DLG2: variants seen among roughly 807,000 people sequenced by gnomAD.
The protein encoded by DLG2 is disks large homolog 2.
DLG2 carries 45 observed loss-of-function variants against 132.5 expected under a neutral mutation model. That is an observed-to-expected ratio of 0.34 (90% confidence interval 0.27 to 0.44). The LOEUF is 0.44. Among genes scored for constraint, DLG2 ranks in the 20% least tolerant of loss-of-function variants. DLG2 has a pLI of 1.00. For synonymous variants in DLG2, 424 were observed against 419.6 expected (o/e 1.01, Z -0.13); for missense variants, 1,045 against 1,196.9 (o/e 0.87, Z 1.87).
intron 8 of DLG2, among the ~76,000 whole-genome samples, chr11:84,214,320 T>C (rs575516571): frequency 6.7e-6 from 1 of 148,500 alleles, no homozygotes; most frequent in African/African-American, 2.5e-5. Flanking sequence ...TATACATGTT[T>C]ATATATGTTT....
intron 3 of DLG2, among the ~76,000 whole-genome samples, chr11:85,323,951 C>A (rs1374132058): frequency 6.6e-6 from 1 of 152,202 alleles, no homozygotes; most frequent in Non-Finnish European, 1.5e-5. Flanking sequence ...CCTCCTGTCA[C>A]TTCCAATTGT....
chr11:83,724,994 G>C (rs2089710412), intron 18 of DLG2: 2 of 692,108 alleles, frequency 2.9e-6, no homozygotes, highest in Non-Finnish European at 5.3e-6. Context: ...TGACGCTCTT[G>C]AGTGGTGGCC....
chr11:84,426,664 A>G (rs2098967593), intron 7 of DLG2, among the ~76,000 whole-genome samples: 1 of 152,134 alleles, frequency 6.6e-6, no homozygotes, highest in Admixed American at 6.6e-5. Flanking sequence ...TTGAACTTCA[A>G]TGTAACATTG....
intron 7 of DLG2, among the ~76,000 whole-genome samples, chr11:84,302,359 CAAGAAAAATATTTTTCTAACT>C (rs2098165530): frequency 1.3e-5 from 2 of 152,042 alleles, no homozygotes; most frequent in African/African-American, 2.4e-5. Flanking sequence ...ATGATGTCAA[CAAGAAAAATATTTTTCTAACT>C]TAGAAAAATG....
intron 6 of DLG2, among the ~76,000 whole-genome samples, chr11:85,089,026 C>T (rs974815137): frequency 6.6e-6 from 1 of 152,290 alleles, no homozygotes; most frequent in African/African-American, 2.4e-5. Context: ...GCTTTATAAA[C>T]TATGCTGTGA....
chr11:85,592,852 C>T (rs1463722821), intron 3 of DLG2, among the ~76,000 whole-genome samples: 1 of 151,542 alleles, frequency 6.6e-6, no homozygotes, highest in Non-Finnish European at 1.5e-5. Flanking sequence ...ACCAGGGAGG[C>T]TGAGGTGGGA....
intron 3 of DLG2, among the ~76,000 whole-genome samples, chr11:85,562,279 T>C (rs1433222223): frequency 1.3e-5 from 2 of 151,764 alleles, no homozygotes; most frequent in Admixed American, 6.6e-5. Context: ...CCTAGAGTCC[T>C]TGTAAATCTG....
intron 4 of DLG2, among the ~76,000 whole-genome samples, chr11:85,236,018 T>G (rs2075568709): frequency 6.6e-6 from 1 of 151,706 alleles, no homozygotes; most frequent in Non-Finnish European, 1.5e-5. Flanking sequence ...ACTTCTATAG[T>G]CAGGATGAGG....
intron 6 of DLG2, among the ~76,000 whole-genome samples, chr11:84,769,119 C>T (rs762402656): frequency 1.4e-4 from 22 of 151,922 alleles, no homozygotes; most frequent in Non-Finnish European, 2.9e-4. Flanking sequence ...TCCTATTAGC[C>T]CTCCAGCAAT....
In DLG2 at chr11:84,420,650, C is replaced by CTTTTTTTTTTTTTTTTTTTTTTT. The variant is rs768420271; in HGVS notation, c.519+113897_519+113919dup. On this transcript the variant is annotated intron_variant, in intron 7 of 27. Transcript: ENST00000376104. ...CAGCACAGTGACCAATGCTTGTTTTCTTTTTTTTTTTTTTTTTTTTTTTTT... is the reference window on the plus strand; with the variant it reads ...CAGCACAGTGACCAATGCTTGTTTTCTTTTTTTTTTTTTTTTTTTTTTTTTTTTTTTTTTTTTTTTTTTTTTTT... Among the ~76,000 whole-genome samples the CTTTTTTTTTTTTTTTTTTTTTTT allele has an allele frequency of 2.4e-4, 10 of 42,234 alleles. 5 individuals are homozygous for CTTTTTTTTTTTTTTTTTTTTTTT. Among genetic ancestry groups the CTTTTTTTTTTTTTTTTTTTTTTT allele is most frequent in the Non-Finnish European group, 2.9e-4 (6 of 21,016 alleles). The allele number at this position is 42,234 out of a possible 152,430, so 27.7% of individuals were successfully genotyped here.
At chr11:84,680,253 A>G (rs1468059220) in intron 6 of DLG2, among the ~76,000 whole-genome samples, 1 of 152,094 alleles carries the variant, frequency 6.6e-6, no homozygotes, top group Non-Finnish European at 1.5e-5. Context: ...TGTTTTCACC[A>G]GTTATGTCTA....
intron 19 of DLG2, among the ~76,000 whole-genome samples, chr11:83,571,654 C>T (rs182374258): frequency 8.9e-4 from 133 of 150,218 alleles, no homozygotes; most frequent in African/African-American, 3.0e-3. Context: ...TTAATAAGCA[C>T]GATGATAGTT....
intron 17 of DLG2, among the ~76,000 whole-genome samples, chr11:83,823,964 T>C (rs1316155218): frequency 6.6e-6 from 1 of 152,178 alleles, no homozygotes; most frequent in African/African-American, 2.4e-5. Context: ...GGTGAAGGCC[T>C]GCATCGCAGA....
intron 19 of DLG2, among the ~76,000 whole-genome samples, chr11:83,592,458 G>T (rs1421934612): frequency 6.6e-6 from 1 of 150,642 alleles, no homozygotes; most frequent in African/African-American, 2.4e-5. Flanking sequence ...AGCTGAAACT[G>T]GATCCCTTCC....
chr11:84,569,572 G>A (rs2099472243), intron 6 of DLG2, among the ~76,000 whole-genome samples: 1 of 152,096 alleles, frequency 6.6e-6, no homozygotes, highest in African/African-American at 2.4e-5. Flanking sequence ...TCCTAGAGAT[G>A]AAGAATATAA....
intron 10 of DLG2, among the ~76,000 whole-genome samples, chr11:84,060,530 C>G (rs2096575031): frequency 1.6e-5 from 1 of 64,362 alleles, no homozygotes; most frequent in Non-Finnish European, 4.2e-5. Context: ...CTACATCAAA[C>G]TTTCCTCTTT....
chr11:85,299,387 G>C (rs1172263861), intron 3 of DLG2, among the ~76,000 whole-genome samples: 1 of 152,120 alleles, frequency 6.6e-6, no homozygotes, highest in Non-Finnish European at 1.5e-5. Context: ...GGTTAACAGG[G>C]ATTTTGTTTG....
chr11:85,621,167 C>T (rs1224719298), intron 2 of DLG2, among the ~76,000 whole-genome samples: 2 of 151,248 alleles, frequency 1.3e-5, no homozygotes, highest in East Asian at 3.9e-4. Context: ...CATCCGTTTA[C>T]AGCATGGTTT....
At chr11:85,157,506 G>A (rs1290711395) in intron 4 of DLG2, among the ~76,000 whole-genome samples, 1 of 152,144 alleles carries the variant, frequency 6.6e-6, no homozygotes, top group East Asian at 1.9e-4. Context: ...AAGGAGTTTA[G>A]CGACTCTATA....
Sources: allele counts gnomAD v4.1 joint callset (sites outside exome capture counted in the v4.1 genomes callset), GRCh38; gene constraint gnomAD v4.1.1; transcripts MANE v1.5; gene names NCBI Gene and HGNC (gene_info 2026-07-23, HGNC 2026-07-21).